The following NAV2 variants were observed in gnomAD, a reference collection of about 807,000 sequenced individuals.
The protein encoded by NAV2 is neuron navigator 2.
A neutral mutation model predicts 223.2 loss-of-function variants in NAV2; 54 were observed. The observed-to-expected ratio is 0.24, with a 90% CI of 0.19 to 0.30. The LOEUF (loss-of-function observed/expected upper bound fraction) is 0.30, where lower values mean the gene tolerates loss of function less well. Among genes scored for constraint, NAV2 ranks in the 10% least tolerant of loss-of-function variants. The pLI is 1.00. For missense variants in NAV2, 2,806 were observed against 3,147.5 expected (o/e 0.89, Z 2.60); for synonymous variants, 1,279 against 1,239.3 (o/e 1.03, Z -0.67).
rs144651966 is a variant in NAV2, at chr11:19,946,447, T to C, written c.2193T>C (p.Ala731=). The change falls in exon 9 of 38, where the codon GCT becomes GCC. Residue 731 remains alanine, a synonymous_variant. Coordinates refer to ENST00000349880, the MANE Select transcript of NAV2 (RefSeq NM_145117.5). The part of the protein sequence containing the change: ...ARRLRTVKNI[A]DLRQNLEETM... The stretch of plus-strand genomic sequence containing the variant: ...GGCTGCGGACAGTGAAGAACATCGC[T>C]GATCTGCGGCAGAATTTGGAGGAAA... 152 of 1,613,848 alleles carry C rather than the reference T, an allele frequency of 9.4e-5. No individual in the cohort carries two copies. The African/African-American group carries it at 9.7e-4, about 10-fold the overall frequency.
intron 1 of NAV2, among the ~76,000 whole-genome samples, chr11:19,488,049 TC>T (rs2042504037): frequency 6.6e-6 from 1 of 152,160 alleles, no homozygotes; most frequent in Admixed American, 6.5e-5. Context: ...GGAAGTACGT[TC>T]CCCACCTCCT....
chr11:19,851,051 ACTTAGAGTAG>A lies in NAV2; in HGVS notation c.438+8129_438+8138del, dbSNP rs561436976. ...TTTTATTTAACAAGGTATAGCAAAC[ACTTAGAGTAG>A]GTACTGGTTTAGATATTTTATCTGT... On this transcript the variant is annotated intron_variant, in intron 3 of 37. Transcript: ENST00000349880. Among the ~76,000 whole-genome samples the A allele has an allele frequency of 6.3e-4, 96 of 152,262 alleles. 2 individuals are homozygous for A. In the East Asian group the frequency reaches 9.7e-3, roughly 15 times the overall value.
intron 1 of NAV2, among the ~76,000 whole-genome samples, chr11:19,613,973 A>AT (rs111624417): frequency 6.6e-6 from 1 of 152,158 alleles, no homozygotes; most frequent in African/African-American, 2.4e-5. Flanking sequence ...GCAATAAATA[A>AT]TTTTTTAGCA....
intron 1 of NAV2, among the ~76,000 whole-genome samples, chr11:19,825,315 A>G (rs2059592298): frequency 6.6e-6 from 1 of 150,744 alleles, no homozygotes; most frequent in Non-Finnish European, 1.5e-5. Context: ...AAAAAAAAAA[A>G]AAAAAAGGCA....
At chr11:19,356,515 CTG>C (rs1272358145) in intron 1 of NAV2, among the ~76,000 whole-genome samples, 1 of 152,132 alleles carries the variant, frequency 6.6e-6, no homozygotes, top group Non-Finnish European at 1.5e-5. Flanking sequence ...TCAGCAGTGA[CTG>C]TGTTATTAGG....
At chr11:19,439,352 G>A (rs937911787) in intron 1 of NAV2, among the ~76,000 whole-genome samples, 11 of 152,126 alleles carry the variant, frequency 7.2e-5, no homozygotes, top group African/African-American at 2.7e-4. Context: ...TAACTAATAG[G>A]TACTAGGCTT....
At chr11:19,477,824 A>G (rs1180177904) in intron 1 of NAV2, among the ~76,000 whole-genome samples, 1 of 152,204 alleles carries the variant, frequency 6.6e-6, no homozygotes, top group East Asian at 1.9e-4. Context: ...AGATTAGGGC[A>G]TTGCCTGAAG....
intron 1 of NAV2, among the ~76,000 whole-genome samples, chr11:19,593,756 C>A (rs2046125365): frequency 1.1e-4 from 1 of 9,064 alleles, no homozygotes; most frequent in South Asian, 0.071. Context: ...TGTAGTGACA[C>A]CTTTCATGGT....
At chr11:19,609,776 A>G (rs1382600282) in intron 1 of NAV2, among the ~76,000 whole-genome samples, 1 of 152,170 alleles carries the variant, frequency 6.6e-6, no homozygotes, top group African/African-American at 2.4e-5. Flanking sequence ...TGTGTTCTCA[A>G]AGGTTCTACT....
intron 3 of NAV2, among the ~76,000 whole-genome samples, chr11:19,854,169 A>C (rs562253851): frequency 1.3e-5 from 2 of 152,274 alleles, no homozygotes; most frequent in African/African-American, 4.8e-5. Flanking sequence ...ATATGTCTTC[A>C]TGGAGTTCTT....
intron 1 of NAV2, among the ~76,000 whole-genome samples, chr11:19,682,290 G>A (rs2048901719): frequency 6.6e-6 from 1 of 152,200 alleles, no homozygotes; most frequent in African/African-American, 2.4e-5. Context: ...GCTAAGAACT[G>A]TGCTAAACTT....
intron 1 of NAV2, among the ~76,000 whole-genome samples, chr11:19,434,485 A>G (rs532182745): frequency 6.6e-6 from 1 of 152,218 alleles, no homozygotes; most frequent in African/African-American, 2.4e-5. Flanking sequence ...GGAGTTTTTC[A>G]GTGTATCCTT....
intron 1 of NAV2, among the ~76,000 whole-genome samples, chr11:19,745,291 T>A (rs1193088818): frequency 6.6e-6 from 1 of 152,274 alleles, no homozygotes; most frequent in Non-Finnish European, 1.5e-5. Flanking sequence ...GGTGTTTATT[T>A]TATGACTGCA....
At chr11:19,946,340 G>C (rs2046937338) in intron 8 of NAV2, 61 bp from the exon 9 acceptor site, 1 of 1,449,840 alleles carries the variant, frequency 6.9e-7, no homozygotes. Flanking sequence ...CATGGATGCT[G>C]CCCTTATGAA....
intron 1 of NAV2, among the ~76,000 whole-genome samples, chr11:19,555,337 C>A (rs1565045878): frequency 6.6e-6 from 1 of 152,240 alleles, no homozygotes; most frequent in Non-Finnish European, 1.5e-5. Context: ...TGTGCACTCC[C>A]ACATGAATCA....
chr11:20,049,427 G>A (rs755447253), intron 15 of NAV2: 51 of 547,426 alleles, frequency 9.3e-5, no homozygotes, highest in Non-Finnish European at 1.3e-4. Flanking sequence ...TCAGTCTCTC[G>A]GGGGCAGATT....
chr11:19,689,723 A>T (rs1285914197), intron 1 of NAV2, among the ~76,000 whole-genome samples: 1 of 152,236 alleles, frequency 6.6e-6, no homozygotes, highest in East Asian at 1.9e-4. Context: ...TCAGCTAATC[A>T]GCTTGCCCGT....
intron 1 of NAV2, among the ~76,000 whole-genome samples, chr11:19,352,999 G>A (rs1277813956): frequency 6.6e-6 from 1 of 152,140 alleles, no homozygotes; most frequent in Non-Finnish European, 1.5e-5. Context: ...GGAATGTCTT[G>A]TCCACGAAGC....
chr11:19,636,646 A>G (rs545892797), intron 1 of NAV2, among the ~76,000 whole-genome samples: 5 of 152,092 alleles, frequency 3.3e-5, no homozygotes, highest in African/African-American at 1.2e-4. Context: ...GTATTTTTGT[A>G]TTTTTAGTAG....
Sources: allele counts gnomAD v4.1 joint callset (sites outside exome capture counted in the v4.1 genomes callset), GRCh38; gene constraint gnomAD v4.1.1; transcripts MANE v1.5; gene names NCBI Gene and HGNC (gene_info 2026-07-23, HGNC 2026-07-21).